Variants in TBC1D5 observed in about 807,000 individuals in gnomAD.
The protein encoded by TBC1D5 is TBC1 domain family member 5, also known as TBC1 domain family, member 5.
In TBC1D5, 75 loss-of-function variants were observed where a neutral mutation model predicts 100.3. The ratio of observed to expected loss-of-function variants is 0.75; its 90% CI spans 0.62 to 0.91. The LOEUF (loss-of-function observed/expected upper bound fraction) is 0.91, where lower values mean the gene tolerates loss of function less well. TBC1D5 is among the 40% of genes least tolerant of loss of function. The pLI is 0.00. For synonymous variants in TBC1D5, 323 were observed against 325.6 expected (o/e 0.99, Z 0.09); for missense variants, 910 against 942.4 (o/e 0.97, Z 0.45).
At chr3:17,444,310 A>G (rs941469896) in intron 3 of TBC1D5, among the ~76,000 whole-genome samples, 1 of 152,104 alleles carries the variant, frequency 6.6e-6, no homozygotes, top group Non-Finnish European at 1.5e-5. Flanking sequence ...ATGCAATTAC[A>G]TGAGGATACT....
chr3:17,445,767 G>C lies in TBC1D5; in HGVS notation c.98-17248C>G, dbSNP rs2094776447. Reference sequence around the variant, plus strand: ...ACTTTATCATAGGTATGTACGTATAGCAAAAAACACAGTATATATAGGGTT... The same window carrying C: ...ACTTTATCATAGGTATGTACGTATACCAAAAAACACAGTATATATAGGGTT... On this transcript the variant is annotated intron_variant, in intron 3 of 21. Transcript: ENST00000253692. 2.0e-5 allele frequency among the ~76,000 whole-genome samples: 3 copies of C among 152,128 alleles called. No homozygotes were observed. In the South Asian group the frequency reaches 6.2e-4, roughly 31 times the overall value.
intron 18 of TBC1D5, among the ~76,000 whole-genome samples, chr3:17,189,168 C>G (rs777265784): frequency 6.6e-6 from 1 of 152,154 alleles, no homozygotes; most frequent in Non-Finnish European, 1.5e-5. Context: ...AGAGCAGACA[C>G]TCAATAAAGG....
At chr3:17,627,355 C>T (rs2063142730) in intron 1 of TBC1D5, among the ~76,000 whole-genome samples, 1 of 151,986 alleles carries the variant, frequency 6.6e-6, no homozygotes, top group Non-Finnish European at 1.5e-5. Context: ...AAAAGTAGAG[C>T]TATAGATTTT....
chr3:17,326,359 T>G (rs950235796), intron 13 of TBC1D5, among the ~76,000 whole-genome samples: 1 of 152,256 alleles, frequency 6.6e-6, no homozygotes, highest in Non-Finnish European at 1.5e-5. Flanking sequence ...CTCAGATGGC[T>G]GTTCCATTCA....
chr3:17,669,060 T>C (rs1379472757), intron 1 of TBC1D5, among the ~76,000 whole-genome samples: 2 of 152,232 alleles, frequency 1.3e-5, no homozygotes, highest in South Asian at 2.1e-4. Flanking sequence ...CCATGTGTCA[T>C]GGGAGGGACC....
intron 13 of TBC1D5, among the ~76,000 whole-genome samples, chr3:17,352,692 A>C (rs556814018): frequency 6.7e-5 from 10 of 149,462 alleles, no homozygotes; most frequent in Admixed American, 2.0e-4. Context: ...GCAAAAAAAA[A>C]AAAAAAACAA....
At chr3:17,598,858 C>T (rs1284552256) in intron 2 of TBC1D5, among the ~76,000 whole-genome samples, 4 of 152,160 alleles carry the variant, frequency 2.6e-5, no homozygotes, top group Admixed American at 6.5e-5. Flanking sequence ...CTTTATTGAG[C>T]TCACTGCCTA....
At chr3:17,365,710 C>T (rs1410383954) in intron 13 of TBC1D5, among the ~76,000 whole-genome samples, 1 of 152,142 alleles carries the variant, frequency 6.6e-6, no homozygotes, top group Non-Finnish European at 1.5e-5. Context: ...ACTAACAAGA[C>T]TCCTGATTCT....
chr3:17,231,921 A>C (rs1175356745), intron 17 of TBC1D5, among the ~76,000 whole-genome samples: 1 of 152,134 alleles, frequency 6.6e-6, no homozygotes, highest in Non-Finnish European at 1.5e-5. Flanking sequence ...TATCTAGTAA[A>C]AGAGCTGGTT....
At chr3:17,607,959 A>G (rs2061439750) in intron 2 of TBC1D5, among the ~76,000 whole-genome samples, 1 of 152,216 alleles carries the variant, frequency 6.6e-6, no homozygotes, top group African/African-American at 2.4e-5. Flanking sequence ...AACCACCTTA[A>G]TGTGATCAAG....
At chr3:17,455,562 G>A (rs1254904904) in intron 3 of TBC1D5, among the ~76,000 whole-genome samples, 2 of 149,204 alleles carry the variant, frequency 1.3e-5, no homozygotes, top group Non-Finnish European at 3.0e-5. Flanking sequence ...ATATAGGTCT[G>A]GTGCAGTGGC....
intron 4 of TBC1D5, among the ~76,000 whole-genome samples, chr3:17,411,912 G>C (rs1374994453): frequency 2.0e-5 from 3 of 152,104 alleles, no homozygotes; most frequent in African/African-American, 7.2e-5. Flanking sequence ...TCAAACTGAT[G>C]AACGGCTCTA....
chr3:17,667,687 A>G (rs913430117), intron 1 of TBC1D5, among the ~76,000 whole-genome samples: 2 of 152,078 alleles, frequency 1.3e-5, no homozygotes, highest in Non-Finnish European at 1.5e-5. Flanking sequence ...CGTGGGCTCA[A>G]GCTATCTACC....
intron 13 of TBC1D5, among the ~76,000 whole-genome samples, chr3:17,335,723 AAT>A (rs2087643191): frequency 6.6e-6 from 1 of 152,134 alleles, no homozygotes; most frequent in Non-Finnish European, 1.5e-5. Context: ...AATTTTACAG[AAT>A]ATCAAATTAC....
chr3:17,415,281 C>G (rs1340255247), intron 4 of TBC1D5, among the ~76,000 whole-genome samples: 1 of 152,070 alleles, frequency 6.6e-6, no homozygotes. Context: ...CTCAGCCTCC[C>G]CAGGTAGCTG....
intron 3 of TBC1D5, among the ~76,000 whole-genome samples, chr3:17,505,990 T>A (rs1237564011): frequency 1.3e-5 from 2 of 152,180 alleles, no homozygotes; most frequent in Non-Finnish European, 2.9e-5. Context: ...TAATAGAACC[T>A]ATGACAAGAA....
At chr3:17,587,635 G>T (rs1181689640) in intron 2 of TBC1D5, among the ~76,000 whole-genome samples, 1 of 151,954 alleles carries the variant, frequency 6.6e-6, no homozygotes, top group East Asian at 1.9e-4. Flanking sequence ...TTGGTGAAGA[G>T]AACTACGCAT....
intron 3 of TBC1D5, among the ~76,000 whole-genome samples, chr3:17,439,717 T>C (rs1170756689): frequency 6.6e-6 from 1 of 152,198 alleles, no homozygotes; most frequent in Non-Finnish European, 1.5e-5. Flanking sequence ...ATATGTATCA[T>C]TTTATGATAA....
At chr3:17,495,024 G>A (rs9843248) in intron 3 of TBC1D5, among the ~76,000 whole-genome samples, 166 of 152,308 alleles carry the variant, frequency 1.1e-3, no homozygotes, top group African/African-American at 3.8e-3. Flanking sequence ...AGCTCCCCTT[G>A]CCCCGTGCGG....
Sources: gnomAD v4.1 joint callset for allele counts (sites outside exome capture counted in the v4.1 genomes callset) on GRCh38, gnomAD v4.1.1 for gene constraint, MANE v1.5 for transcripts, NCBI Gene and HGNC (gene_info 2026-07-23, HGNC 2026-07-21) for gene names.